SLC25A13: variants seen among roughly 807,000 people sequenced by gnomAD.
SLC25A13 encodes the protein solute carrier family 25 member 13, also known as electrogenic aspartate/glutamate antiporter SLC25A13, mitochondrial.
A neutral mutation model predicts 85.5 loss-of-function variants in SLC25A13; 70 were observed. That is an observed-to-expected ratio of 0.82 (90% CI 0.68 to 1.00). The LOEUF is 1.00. Among genes scored for constraint, SLC25A13 ranks in the 50% least tolerant of loss-of-function variants. The pLI, the probability that SLC25A13 is intolerant of heterozygous loss-of-function variation, is 0.00. For missense variants in SLC25A13, 765 were observed against 819.8 expected (o/e 0.93, Z 0.82); for synonymous variants, 259 against 288.7 (o/e 0.90, Z 1.04).
chr7:96,244,611 T>C (rs1319557469), intron 3 of SLC25A13, among the ~76,000 whole-genome samples: 1 of 152,160 alleles, frequency 6.6e-6, no homozygotes, highest in Non-Finnish European at 1.5e-5. Context: ...CATTCTAAAA[T>C]CCTGTTTTCT....
chr7:96,275,792 C>T (rs369579013), intron 3 of SLC25A13, among the ~76,000 whole-genome samples: 7 of 152,086 alleles, frequency 4.6e-5, no homozygotes, highest in African/African-American at 7.2e-5. Context: ...TGTTAAACGA[C>T]GAGTTGACGG....
intron 1 of SLC25A13, 27 bp downstream of exon 1, chr7:96,321,915 T>C: frequency 3.3e-6 from 5 of 1,524,094 alleles, no homozygotes; most frequent in Non-Finnish European, 1.8e-6. Context: ...GCAGGCGCGC[T>C]CCCCCCGGCC....
chr7:96,278,514 C>G (rs1798544792), intron 2 of SLC25A13, among the ~76,000 whole-genome samples: 1 of 152,144 alleles, frequency 6.6e-6, no homozygotes, highest in Non-Finnish European at 1.5e-5. Context: ...TGCCTCTTAC[C>G]ACTTGAATGG....
chr7:96,141,258 C>T (rs1185439918), intron 14 of SLC25A13, among the ~76,000 whole-genome samples: 2 of 152,034 alleles, frequency 1.3e-5, no homozygotes, highest in African/African-American at 4.8e-5. Context: ...GAATTCCTGG[C>T]ATTAAGAGAT....
chr7:96,139,330 G>A (rs1238027626), intron 14 of SLC25A13, among the ~76,000 whole-genome samples: 1 of 152,012 alleles, frequency 6.6e-6, no homozygotes, highest in Non-Finnish European at 1.5e-5. Context: ...ATATACCTGT[G>A]CAACAAACCC....
intron 15 of SLC25A13, among the ~76,000 whole-genome samples, chr7:96,128,793 T>A (rs1791850226): frequency 7.1e-6 from 1 of 141,794 alleles, no homozygotes; most frequent in African/African-American, 2.7e-5. Context: ...ATAATAATAA[T>A]AATAAAAGTC....
chr7:96,207,898 C>T (rs980968475), intron 5 of SLC25A13, among the ~76,000 whole-genome samples: 2 of 152,106 alleles, frequency 1.3e-5, no homozygotes, highest in African/African-American at 2.4e-5. Flanking sequence ...TAAGAAAGTG[C>T]GCAAGTGCCC....
chr7:96,295,910 G>A (rs930988192), intron 2 of SLC25A13, among the ~76,000 whole-genome samples: 3 of 151,428 alleles, frequency 2.0e-5, no homozygotes, highest in Non-Finnish European at 4.4e-5. Context: ...TATTATATGT[G>A]TGTATATTAT....
At chr7:96,270,553 T>A (rs1584541312) in intron 3 of SLC25A13, among the ~76,000 whole-genome samples, 1 of 139,718 alleles carries the variant, frequency 7.2e-6, no homozygotes. Context: ...AGACTCCATC[T>A]CCAAAAAAAA....
intron 14 of SLC25A13, among the ~76,000 whole-genome samples, chr7:96,140,942 TA>T (rs1184539130): frequency 2.0e-5 from 3 of 151,986 alleles, no homozygotes; most frequent in Non-Finnish European, 4.4e-5. Context: ...TGCTCATTTT[TA>T]AAATCAGCTT....
chr7:96,275,901 A>G (rs1386337003), intron 3 of SLC25A13, among the ~76,000 whole-genome samples: 1 of 152,216 alleles, frequency 6.6e-6, no homozygotes, highest in African/African-American at 2.4e-5. Context: ...AAATTGGGTG[A>G]CAAGTGCATA....
intron 1 of SLC25A13, among the ~76,000 whole-genome samples, chr7:96,319,722 C>G (rs1800266732): frequency 6.6e-6 from 1 of 152,018 alleles, no homozygotes. Flanking sequence ...TCCCTTTGTC[C>G]TGTTTTTCCC....
At chr7:96,145,681 CA>C (rs986351056) in intron 14 of SLC25A13, among the ~76,000 whole-genome samples, 2 of 152,102 alleles carry the variant, frequency 1.3e-5, no homozygotes, top group African/African-American at 2.4e-5. Flanking sequence ...AAAATGAAGA[CA>C]ATGTATTCTG....
chr7:96,137,847 C>A (rs530026814), intron 14 of SLC25A13, among the ~76,000 whole-genome samples: 54 of 152,228 alleles, frequency 3.5e-4, no homozygotes, highest in African/African-American at 1.3e-3. Context: ...ATGGTCCTGA[C>A]CTTTTGACCT....
At chr7:96,257,018 G>A (rs191066344) in intron 3 of SLC25A13, among the ~76,000 whole-genome samples, 32 of 152,226 alleles carry the variant, frequency 2.1e-4, no homozygotes, top group African/African-American at 6.7e-4. Context: ...TGAAACAAAT[G>A]AGAACAAAGA....
intron 3 of SLC25A13, among the ~76,000 whole-genome samples, chr7:96,237,936 C>T (rs999525252): frequency 6.6e-6 from 1 of 152,128 alleles, no homozygotes; most frequent in Non-Finnish European, 1.5e-5. Context: ...AACAGTGGGA[C>T]ATGTAGTACA....
At chr7:96,246,469 G>C (rs1346038211) in intron 3 of SLC25A13, among the ~76,000 whole-genome samples, 2 of 130,138 alleles carry the variant, frequency 1.5e-5, no homozygotes, top group African/African-American at 3.0e-5. Flanking sequence ...CATAAGCATA[G>C]GCACACAAAA....
intron 2 of SLC25A13, among the ~76,000 whole-genome samples, chr7:96,293,694 G>A (rs1799220940): frequency 6.6e-6 from 1 of 152,132 alleles, no homozygotes; most frequent in Admixed American, 6.5e-5. Flanking sequence ...CATCATCACT[G>A]GCCATCAGAG....
At chr7:96,178,039 A>C (rs1175854780) in intron 11 of SLC25A13, among the ~76,000 whole-genome samples, 1 of 152,148 alleles carries the variant, frequency 6.6e-6, no homozygotes. Context: ...GTACACAACA[A>C]AGGGATGGTG....
Sources: gnomAD v4.1 joint callset for allele counts (sites outside exome capture counted in the v4.1 genomes callset) on GRCh38, gnomAD v4.1.1 for gene constraint, MANE v1.5 for transcripts, NCBI Gene and HGNC (gene_info 2026-07-23, HGNC 2026-07-21) for gene names.